Variants in KCP observed in about 807,000 individuals in gnomAD.
The protein encoded by KCP is kielin cysteine rich BMP regulator.
A neutral mutation model predicts 212.7 loss-of-function variants in KCP; 194 were observed. That is an observed-to-expected ratio of 0.91 (90% confidence interval 0.81 to 1.03). KCP has a LOEUF of 1.03. Among genes scored for constraint, KCP ranks in the 50% least tolerant of loss-of-function variants. KCP has a pLI of 0.00. For missense variants in KCP, 2,080 were observed against 2,162.5 expected (o/e 0.96, Z 0.76); for synonymous variants, 833 against 865.3 (o/e 0.96, Z 0.65).
intron 18 of KCP, 51 bp from the exon 19 acceptor site, chr7:128,891,329 G>T: frequency 6.5e-7 from 1 of 1,546,850 alleles, no homozygotes; most frequent in African/African-American, 1.4e-5. Flanking sequence ...GGGGGAGGCC[G>T]AGGAGACCCC....
At chr7:128,897,794 C>G (rs1476897520) in intron 8 of KCP, among the ~76,000 whole-genome samples, 1 of 152,160 alleles carries the variant, frequency 6.6e-6, no homozygotes, top group Admixed American at 6.5e-5. Flanking sequence ...TTAGCCATGT[C>G]TCCTAGCTAT....
intron 22 of KCP, among the ~76,000 whole-genome samples, chr7:128,887,782 TACAC>T (rs1471499800): frequency 2.3e-4 from 27 of 116,100 alleles, no homozygotes; most frequent in African/African-American, 8.6e-4. Flanking sequence ...CACACACACA[TACAC>T]GCACCCACAT....
chr7:128,877,229 G>T lies in KCP; in HGVS notation c.4701C>A (p.Ile1567=). The T allele has an allele frequency of 6.7e-7, 1 of 1,482,384 alleles. No homozygotes were observed. The highest frequency in any genetic ancestry group is 9.0e-7 in the Non-Finnish European group (1 of 1,116,944). The allele number at this position is 1,482,384 out of a possible 1,614,324, so 91.8% of individuals were successfully genotyped here. The change falls in exon 40 of 40, where the codon ATC becomes ATA. Residue 1567 remains isoleucine (I), a synonymous_variant. Transcript: ENST00000610776. The stretch of plus-strand genomic sequence containing the variant: ...AGTGGGCTGCCAGCTCCCCCAGGGG[G>T]ATATGCTGATTGAAGCAGGTGCGGG... ...PCPRTCFNQH[I]PLGELAAHCV... is the part of the protein sequence containing the mutation.
chr7:128,882,058 CA>C (rs1793367040), intron 29 of KCP, 42 bp from the exon 30 acceptor site: 1 of 1,471,988 alleles, frequency 6.8e-7, no homozygotes, highest in Non-Finnish European at 9.3e-7. Flanking sequence ...GAAAGAGGGG[CA>C]CAGGGCTGGA....
intron 21 of KCP, chr7:128,890,046 C>T (rs867573545): frequency 9.8e-6 from 4 of 407,860 alleles, no homozygotes; most frequent in Admixed American, 3.6e-5. Flanking sequence ...CCTCAGCCTC[C>T]GGAGTAGATG....
Position 128,879,795 on chromosome 7 carries a change from C to T in KCP, c.3967G>A (p.Gly1323Ser), listed in dbSNP as rs117426901. 0.019 allele frequency: 30,091 copies of T among 1,550,760 alleles called. 386 individuals are homozygous for T. Among genetic ancestry groups the T allele is most frequent in the Non-Finnish European group, 0.022 (25,151 of 1,146,960 alleles). ...HVTNDDRGRS[G>S]VAWTQEVAVL... ...GCCACCTCCTGGGTCCAGGCCACAC[C>T]GCTCCGGCCCCGGTCATCATTGGTC... The change falls in exon 36 of 40, where the codon GGT (glycine) becomes AGT (serine). Residue 1323 changes from glycine (G) to serine (S), a missense_variant. Transcript: ENST00000610776.
At chr7:128,888,257 C>T (rs1050210900) in intron 22 of KCP, among the ~76,000 whole-genome samples, 3 of 150,670 alleles carry the variant, frequency 2.0e-5, no homozygotes, top group African/African-American at 4.9e-5. Context: ...CACACACACA[C>T]GTACACAGAC....
chr7:128,886,590 C>T (rs1223977217), intron 25 of KCP, 33 bp from the exon 26 acceptor site: 1 of 1,550,698 alleles, frequency 6.4e-7, no homozygotes, highest in Admixed American at 2.0e-5. Flanking sequence ...GGCTCGCTGC[C>T]TAGGCTGGGG....
rs368782041 is a variant in KCP, at chr7:128,879,910, C to T, written c.3932+3G>A. The T allele has an allele frequency of 3.9e-5, 61 of 1,551,078 alleles. No homozygotes were observed. The highest frequency in any genetic ancestry group is 1.7e-4 in the Middle Eastern group (1 of 6,014). On this transcript the variant is annotated splice_donor_region_variant and intron_variant, in intron 35 of 39. Coordinates refer to ENST00000610776, the MANE Select transcript of KCP (RefSeq NM_001366122.1). ...GGGGAGAAGAGAGACAGGGGATGCA[C>T]ACCTGAAGTCCCCGCTGTGGCAGTC...
At position 128,891,079 on chromosome 7, in the gene KCP, CG is replaced by C. The variant is rs1400022360; in HGVS notation, c.1989del (p.Gly664AlafsTer90). On this transcript the variant is annotated frameshift_variant, in exon 20 of 40. Coordinates refer to ENST00000610776, the MANE Select transcript of KCP (RefSeq NM_001366122.1). LOFTEE classifies it high-confidence loss of function. ...TGGGCCGCGCCGGGCCGTGGGCAGC[CG>C]GCGGGGGCTGGGGCGGCTGCGGCGA... ...CPQCPAAPAP[A>X]GCPRPGAAHA... is the part of the protein sequence containing the mutation. 7.1e-7 allele frequency: 1 copy of C among 1,417,536 alleles called. No individual in the cohort carries two copies. The highest frequency in any genetic ancestry group is 3.2e-5 in the Admixed American group (1 of 31,630). The allele number at this position is 1,417,536 out of a possible 1,614,324, so 87.8% of individuals were successfully genotyped here. A position where few individuals can be genotyped will look rare whatever the true frequency, so the allele number is the denominator to read the frequency against.
chr7:128,880,698 G>A lies in KCP; in HGVS notation c.3537C>T (p.Leu1179=), dbSNP rs1287331618. The A allele has an allele frequency of 1.3e-5, 6 of 471,604 alleles. No individual in the cohort carries two copies. Among genetic ancestry groups the A allele is most frequent in the African/African-American group, 4.0e-5 (2 of 49,874 alleles). 29.2% of individuals were successfully genotyped at this position (471,604 alleles called of 1,614,324 possible). The change falls in exon 33 of 40, where the codon CTC becomes CTT. Residue 1179 remains leucine, a synonymous_variant. Coordinates refer to ENST00000610776, the MANE Select transcript of KCP (RefSeq NM_001366122.1). ...TCHRGHVECH[L]EECQALSCPH... ...GGCAGGAGAGGGCCTGGCACTCCTCGAGGTGGCACTCCACATGGCCCCGCT... is the reference window on the plus strand; with the variant it reads ...GGCAGGAGAGGGCCTGGCACTCCTCAAGGTGGCACTCCACATGGCCCCGCT...
intron 23 of KCP, 94 bp from the exon 24 acceptor site, chr7:128,887,060 C>T (rs1291871258): frequency 9.7e-7 from 1 of 1,027,402 alleles, no homozygotes; most frequent in Non-Finnish European, 1.5e-6. Flanking sequence ...AAACACCCTC[C>T]CTTGGCCCGG....
intron 8 of KCP, among the ~76,000 whole-genome samples, chr7:128,898,125 G>A (rs1487907072): frequency 6.6e-6 from 1 of 151,640 alleles, no homozygotes; most frequent in African/African-American, 2.4e-5. Flanking sequence ...GTGCGATCTT[G>A]GCTCACTGCA....
intron 28 of KCP, among the ~76,000 whole-genome samples, chr7:128,884,397 T>C (rs1478655513): frequency 2.0e-5 from 3 of 152,298 alleles, no homozygotes; most frequent in Non-Finnish European, 4.4e-5. Context: ...GCCATCCTCC[T>C]CCCCAGGCCC....
chr7:128,902,646 G>A (rs1489431816), intron 8 of KCP, 131 bp downstream of exon 8: 2 of 822,808 alleles, frequency 2.4e-6, no homozygotes, highest in East Asian at 2.7e-5. Flanking sequence ...GCCCCCAGCA[G>A]ACAGCGCCTA....
intron 7 of KCP, 103 bp from the exon 8 acceptor site, chr7:128,902,962 C>G (rs1794939646): frequency 7.0e-6 from 6 of 855,150 alleles, no homozygotes; most frequent in Non-Finnish European, 1.1e-5. Context: ...TGAGGGCTCT[C>G]TCCCGAGCCA....
In KCP at chr7:128,908,445, A is replaced by G; in HGVS notation, c.200T>C (p.Val67Ala). The change falls in exon 2 of 40, where the codon GTG (valine) becomes GCG (alanine). Residue 67 changes from valine to alanine, a missense_variant. Transcript: ENST00000610776. ...REWLGRLEAA[V>A]MELREQNKDL... ...TGGTACCTGTTCTCTGAGCTCCATCACTGCAGCCTCCAGTCGCCCCAGCCA... is the reference window on the plus strand; with the variant it reads ...TGGTACCTGTTCTCTGAGCTCCATCGCTGCAGCCTCCAGTCGCCCCAGCCA... 1 of 1,551,458 alleles carries G rather than the reference A, an allele frequency of 6.4e-7. No homozygotes were observed. The highest frequency in any genetic ancestry group is 8.7e-7 in the Non-Finnish European group (1 of 1,146,922).
At chr7:128,878,507 T>A in intron 38 of KCP, 51 bp downstream of exon 38, 1 of 1,506,666 alleles carries the variant, frequency 6.6e-7, no homozygotes, top group Non-Finnish European at 9.0e-7. Context: ...CTGAGACTCA[T>A]GCTCAGCTGC....
chr7:128,884,989 G>T, intron 27 of KCP, 108 bp downstream of exon 27: 3 of 1,502,744 alleles, frequency 2.0e-6, no homozygotes, highest in Non-Finnish European at 2.7e-6. Context: ...AAGGACGGAG[G>T]CCACTTCTCC....
Sources: gnomAD v4.1 joint callset for allele counts (sites outside exome capture counted in the v4.1 genomes callset) on GRCh38, gnomAD v4.1.1 for gene constraint, MANE v1.5 for transcripts, NCBI Gene and HGNC (gene_info 2026-07-23, HGNC 2026-07-21) for gene names.